The following TNRC6A variants were observed in gnomAD, a reference collection of about 807,000 sequenced individuals.
The protein encoded by TNRC6A is trinucleotide repeat containing adaptor 6A.
In TNRC6A, 44 loss-of-function variants were observed where a neutral mutation model predicts 221.2. The ratio of observed to expected loss-of-function variants is 0.20; its 90% confidence interval spans 0.16 to 0.26. The LOEUF is 0.26. TNRC6A is among the 10% of genes least tolerant of loss of function. The pLI, the probability that TNRC6A is intolerant of heterozygous loss-of-function variation, is 1.00. For synonymous variants in TNRC6A, 847 were observed against 838.5 expected (o/e 1.01, Z -0.18); for missense variants, 2,199 against 2,404.4 (o/e 0.91, Z 1.79).
chr16:24,713,721 A>C (rs981696532), intron 2 of TNRC6A, among the ~76,000 whole-genome samples: 1 of 151,918 alleles, frequency 6.6e-6, no homozygotes, highest in Non-Finnish European at 1.5e-5. Flanking sequence ...ATCTTGGCTT[A>C]CTGCAACCTC....
At chr16:24,714,391 C>A (rs2056271719) in intron 2 of TNRC6A, among the ~76,000 whole-genome samples, 1 of 140,634 alleles carries the variant, frequency 7.1e-6, no homozygotes, top group Non-Finnish European at 1.5e-5. Context: ...TCACTGCAAG[C>A]TCCGCCTCCC....
intron 1 of TNRC6A, among the ~76,000 whole-genome samples, chr16:24,623,485 T>A (rs1318685619): frequency 1.3e-5 from 2 of 152,178 alleles, no homozygotes; most frequent in Non-Finnish European, 2.9e-5. Flanking sequence ...TGGGTCATTC[T>A]TCATGTATCA....
chr16:24,742,824 T>C (rs1314028971), intron 2 of TNRC6A, among the ~76,000 whole-genome samples: 1 of 151,998 alleles, frequency 6.6e-6, no homozygotes, highest in African/African-American at 2.4e-5. Flanking sequence ...TCAGGAGTAT[T>C]GTACAAGTAG....
At chr16:24,752,014 C>T (rs2057148398) in intron 3 of TNRC6A, among the ~76,000 whole-genome samples, 3 of 151,926 alleles carry the variant, frequency 2.0e-5, no homozygotes, top group Admixed American at 2.0e-4. Context: ...AGGGAGGGAA[C>T]CAAGGGTAGA....
At chr16:24,627,697 C>CTTTTTTTTTTTTTTTTTT (rs57520356) in intron 1 of TNRC6A, among the ~76,000 whole-genome samples, 1 of 101,784 alleles carries the variant, frequency 9.8e-6, no homozygotes, top group Admixed American at 1.1e-4. Context: ...TCTTTTCTTG[C>CTTTTTTTTTTTTTTTTTT]TTTTTTTTTT....
At chr16:24,712,609 A>G (rs1288118000) in intron 2 of TNRC6A, among the ~76,000 whole-genome samples, 6 of 152,358 alleles carry the variant, frequency 3.9e-5, no homozygotes, top group Middle Eastern at 3.4e-3. Context: ...TCTTTCATGT[A>G]TACTTAGATT....
intron 2 of TNRC6A, among the ~76,000 whole-genome samples, chr16:24,734,857 T>TC (rs1410062896): frequency 6.6e-6 from 1 of 152,178 alleles, no homozygotes; most frequent in Non-Finnish European, 1.5e-5. Flanking sequence ...TACTGATTTG[T>TC]CCCCCCATAA....
chr16:24,823,943 A>C lies in TNRC6A; in HGVS notation c.*136A>C. The C allele has an allele frequency of 2.3e-6, 2 of 871,594 alleles. No individual in the cohort carries two copies. Among genetic ancestry groups the C allele is most frequent in the Non-Finnish European group, 3.2e-6 (2 of 628,444 alleles). The allele number at this position is 871,594 out of a possible 1,614,324, so 54.0% of individuals were successfully genotyped here. A position where few individuals can be genotyped will look rare whatever the true frequency, so the allele number is the denominator to read the frequency against. ...CACATTTTCCACTTTGTTTTCCCCA[A>C]AACATATCAGTTTGAATACTTGAAT... On this transcript the variant is annotated 3_prime_UTR_variant, in exon 25 of 25. Coordinates refer to ENST00000395799, the MANE Select transcript of TNRC6A (RefSeq NM_014494.4). The surrounding 1 kb of genome is among the most constrained non-coding windows in gnomAD (Gnocchi z 4.3).
rs1323331216 is a variant in TNRC6A, at chr16:24,765,941, C to CT, written c.163+7582dup. Among the ~76,000 whole-genome samples the CT allele has an allele frequency of 1.1e-4, 17 of 152,216 alleles. No homozygotes were observed. In the East Asian group the frequency reaches 3.3e-3, roughly 29 times the overall value. The stretch of plus-strand genomic sequence containing the variant: ...TTTTGGCTTTAGGCAAGGATTATTT[C>CT]TAACAAACGTAGATTTGTTGCTTTT... On this transcript the variant is annotated intron_variant, in intron 4 of 24. Coordinates refer to ENST00000395799, the MANE Select transcript of TNRC6A (RefSeq NM_014494.4).
At chr16:24,772,084 C>T (rs1427604697) in intron 4 of TNRC6A, among the ~76,000 whole-genome samples, 1 of 152,208 alleles carries the variant, frequency 6.6e-6, no homozygotes, top group African/African-American at 2.4e-5. Context: ...AACTTGCCAA[C>T]CCCTGTTGTA....
chr16:24,746,483 A>G (rs894746328), intron 2 of TNRC6A, among the ~76,000 whole-genome samples: 1 of 151,666 alleles, frequency 6.6e-6, no homozygotes, highest in African/African-American at 2.4e-5. Flanking sequence ...ATGGAAATCT[A>G]CTCCCCGCCC....
chr16:24,760,078 C>G (rs372018288), intron 4 of TNRC6A, among the ~76,000 whole-genome samples: 1 of 152,170 alleles, frequency 6.6e-6, no homozygotes, highest in African/African-American at 2.4e-5. Context: ...CCTAACCAGC[C>G]TGTTTCCCAT....
At chr16:24,821,451 A>G (rs1297075410) in intron 22 of TNRC6A, among the ~76,000 whole-genome samples, 1 of 152,116 alleles carries the variant, frequency 6.6e-6, no homozygotes, top group Non-Finnish European at 1.5e-5. Flanking sequence ...GATTGCAGGG[A>G]GTGGAGGAGG....
At chr16:24,730,134 T>G in intron 1 of TNRC6A, 119 bp from the exon 2 acceptor site, 47 of 369,868 alleles carry the variant, frequency 1.3e-4, no homozygotes, top group East Asian at 2.1e-4. Flanking sequence ...CCCCCCGTCC[T>G]CTCCCCTCCC....
intron 4 of TNRC6A, among the ~76,000 whole-genome samples, chr16:24,762,879 C>A (rs1401026472): frequency 6.6e-6 from 1 of 152,154 alleles, no homozygotes; most frequent in African/African-American, 2.4e-5. Context: ...GCTCATGCTG[C>A]AACAGTAGTC....
intron 9 of TNRC6A, 150 bp downstream of exon 9, chr16:24,796,089 C>A: frequency 1.3e-6 from 1 of 785,248 alleles, no homozygotes; most frequent in South Asian, 1.9e-5. Flanking sequence ...TTTCACCTTT[C>A]GGGAGCTCAC....
intron 2 of TNRC6A, among the ~76,000 whole-genome samples, chr16:24,694,777 G>T (rs1457530060): frequency 6.6e-6 from 1 of 150,568 alleles, no homozygotes. Context: ...CTACAAAAAT[G>T]TAAAAATTAG....
upstream of TNRC6A, among the ~76,000 whole-genome samples, chr16:24,726,559 G>C (rs1208943707): frequency 6.6e-6 from 1 of 152,096 alleles, no homozygotes; most frequent in Non-Finnish European, 1.5e-5. Context: ...ACCTTCATAA[G>C]AGCAGTTTTG....
chr16:24,792,434 A>G (rs983171202), intron 6 of TNRC6A, among the ~76,000 whole-genome samples: 2 of 152,046 alleles, frequency 1.3e-5, no homozygotes, highest in South Asian at 2.1e-4. Context: ...TTGACTTAAT[A>G]GTCTCATTGG....
Sources: allele counts gnomAD v4.1 joint callset (sites outside exome capture counted in the v4.1 genomes callset), GRCh38; gene constraint gnomAD v4.1.1; non-coding constraint Gnocchi (gnomAD v3.1); transcripts MANE v1.5; gene names NCBI Gene and HGNC (gene_info 2026-07-23, HGNC 2026-07-21).